The following PPFIBP1 variants were observed in gnomAD, a reference collection of about 807,000 sequenced individuals.
The protein encoded by PPFIBP1 is liprin-beta-1.
Under a neutral mutation model 137.8 loss-of-function variants are expected in PPFIBP1, and 112 were observed. The observed-to-expected ratio is 0.81, with a 90% CI of 0.70 to 0.95. PPFIBP1 has a LOEUF of 0.95. Ranked by LOEUF, PPFIBP1 falls within the 40% of genes least tolerant of loss-of-function variation. PPFIBP1 has a pLI of 0.00. For missense variants in PPFIBP1, 1,083 were observed against 1,196.6 expected (o/e 0.91, Z 1.40); for synonymous variants, 378 against 417.3 (o/e 0.91, Z 1.15).
intron 1 of PPFIBP1, among the ~76,000 whole-genome samples, chr12:27,545,916 A>C (rs1946194939): frequency 1.3e-5 from 2 of 152,328 alleles, no homozygotes; most frequent in South Asian, 4.1e-4. Flanking sequence ...CGGTAGTCGT[A>C]TAACTTGATC....
chr12:27,641,904 T>C (rs2058131704), intron 4 of PPFIBP1, among the ~76,000 whole-genome samples: 1 of 152,028 alleles, frequency 6.6e-6, no homozygotes, highest in Non-Finnish European at 1.5e-5. Context: ...CCTCCCGTTG[T>C]ATGGGAGCTC....
At chr12:27,600,452 T>A (rs1489850947) in intron 2 of PPFIBP1, among the ~76,000 whole-genome samples, 37 of 147,852 alleles carry the variant, frequency 2.5e-4, no homozygotes, top group African/African-American at 5.4e-4. Flanking sequence ...AAAAAAAAAA[T>A]AGTTAGAAGA....
rs967021216 is a variant in PPFIBP1, at chr12:27,658,948, G to A, written c.844+100G>A. 4.9e-6 allele frequency: 6 copies of A among 1,234,488 alleles called. No individual in the cohort carries two copies. In the Middle Eastern group the frequency reaches 5.8e-4, roughly 119 times the overall value. The allele number at this position is 1,234,488 out of a possible 1,614,324, so 76.5% of individuals were successfully genotyped here. A position where few individuals can be genotyped will look rare whatever the true frequency, so the allele number is the denominator to read the frequency against. Reference sequence around the variant, plus strand: ...TTAAAACATTTCTCTCACCAAAGATGTAAAGTTGCTTCATCAATAAGCCCT... The same window carrying A: ...TTAAAACATTTCTCTCACCAAAGATATAAAGTTGCTTCATCAATAAGCCCT... On this transcript the variant is annotated intron_variant, in intron 10 of 29. Transcript: ENST00000228425.
rs746813397 is a variant in PPFIBP1 at position 27,646,113 on chromosome 12, C to T, written c.322C>T (p.Arg108Cys). 50 of 1,611,942 alleles carry T rather than the reference C, an allele frequency of 3.1e-5. No homozygotes were observed. The highest frequency in any genetic ancestry group is 1.8e-4 in the East Asian group (8 of 44,794). ...NGDVYQERLA[R>C]LENDKESLVL... ...AGATGTGTATCAAGAAAGGCTGGCA[C>T]GTTTAGAAAATGATAAAGAATCCCT... is the stretch of plus-strand genomic sequence containing the variant. The change falls in exon 5 of 30, where the codon CGT (arginine) becomes TGT (cysteine). Residue 108 changes from arginine to cysteine, a missense_variant. Physicochemically the swap from Arg to Cys is radical, Grantham distance 180 (BLOSUM62 -3). Transcript: ENST00000228425.
intron 7 of PPFIBP1, among the ~76,000 whole-genome samples, chr12:27,652,373 A>G (rs2058927673): frequency 6.6e-6 from 1 of 152,222 alleles, no homozygotes; most frequent in Non-Finnish European, 1.5e-5. Flanking sequence ...AAGAGCATAC[A>G]TGTCAGAGAC....
chr12:27,535,813 A>G (rs981453265), intron 1 of PPFIBP1, among the ~76,000 whole-genome samples: 1 of 152,206 alleles, frequency 6.6e-6, no homozygotes, highest in African/African-American at 2.4e-5. Context: ...ACAAAACTAA[A>G]CTACTTTTAT....
intron 1 of PPFIBP1, among the ~76,000 whole-genome samples, chr12:27,567,665 C>G (rs904357722): frequency 2.0e-5 from 3 of 151,948 alleles, no homozygotes; most frequent in African/African-American, 7.3e-5. Context: ...GTTGGTACAT[C>G]TTTGACATTT....
At chr12:27,569,370 CAA>C (rs2049953372) in intron 1 of PPFIBP1, among the ~76,000 whole-genome samples, 1 of 152,142 alleles carries the variant, frequency 6.6e-6, no homozygotes, top group African/African-American at 2.4e-5. Context: ...TCATACAACA[CAA>C]ATAGTTGTAT....
chr12:27,583,342 T>A (rs1456361294), intron 2 of PPFIBP1, among the ~76,000 whole-genome samples: 1 of 152,228 alleles, frequency 6.6e-6, no homozygotes, highest in Non-Finnish European at 1.5e-5. Flanking sequence ...TAGCTTCCAA[T>A]ACATTGAAGT....
At chr12:27,642,419 T>A (rs1352637023) in intron 4 of PPFIBP1, among the ~76,000 whole-genome samples, 2 of 152,110 alleles carry the variant, frequency 1.3e-5, no homozygotes, top group South Asian at 2.1e-4. Context: ...TCAACAAGAG[T>A]TTATACTTAA....
At chr12:27,670,815 T>TAATAATAATA (rs1484216924) in intron 13 of PPFIBP1, among the ~76,000 whole-genome samples, 1 of 149,224 alleles carries the variant, frequency 6.7e-6, no homozygotes, top group Non-Finnish European at 1.5e-5. Context: ...ATAATAATAA[T>TAATAATAATA]AGAGTGTTGA....
chr12:27,630,571 C>T (rs1396959960), intron 2 of PPFIBP1, among the ~76,000 whole-genome samples: 1 of 152,108 alleles, frequency 6.6e-6, no homozygotes, highest in Non-Finnish European at 1.5e-5. Context: ...ATCTCTGGCT[C>T]TTATCAGCGT....
intron 1 of PPFIBP1, among the ~76,000 whole-genome samples, chr12:27,525,495 C>G (rs972253329): frequency 6.2e-5 from 8 of 128,266 alleles, no homozygotes; most frequent in Admixed American, 2.8e-4. Context: ...CTTTAAGGCT[C>G]TCTTTTGGAG....
chr12:27,581,790 T>C (rs1291300569), intron 2 of PPFIBP1, among the ~76,000 whole-genome samples: 2 of 152,206 alleles, frequency 1.3e-5, no homozygotes, highest in East Asian at 3.8e-4. Flanking sequence ...TGGTTCGTGA[T>C]AACTGGACAA....
intron 1 of PPFIBP1, chr12:27,547,000 T>C (rs1366874470): frequency 2.0e-5 from 3 of 152,204 alleles, no homozygotes; most frequent in African/African-American, 7.2e-5. Flanking sequence ...AGACCCTGCC[T>C]CAAAAAACAA....
In PPFIBP1 at chr12:27,682,607, T is replaced by C. The variant is rs770959591; in HGVS notation, c.2159-8T>C. ...GGCATGGTAGCAACACTGGCCTCTC[T>C]CTTTTAGGATGGTTGGATGACATTG... is the stretch of plus-strand genomic sequence containing the variant. On this transcript the variant is annotated splice_polypyrimidine_tract_variant and splice_region_variant and intron_variant, in intron 23 of 29. Transcript: ENST00000228425. 7 of 1,614,130 alleles carry C rather than the reference T, an allele frequency of 4.3e-6. No homozygotes were observed. The highest frequency in any genetic ancestry group is 5.9e-6 in the Non-Finnish European group (7 of 1,179,990).
intron 1 of PPFIBP1, among the ~76,000 whole-genome samples, chr12:27,533,971 T>C (rs368223237): frequency 5.9e-4 from 90 of 152,290 alleles, no homozygotes; most frequent in African/African-American, 1.8e-3. Context: ...GGTCCTGCTG[T>C]CAGGTCAGTT....
At chr12:27,570,257 C>T (rs985977317) in intron 1 of PPFIBP1, among the ~76,000 whole-genome samples, 1 of 152,068 alleles carries the variant, frequency 6.6e-6, no homozygotes, top group African/African-American at 2.4e-5. Context: ...ATATAGTAAT[C>T]ATTCCTTTAT....
chr12:27,544,056 T>G (rs1390457720), intron 1 of PPFIBP1, among the ~76,000 whole-genome samples: 1 of 150,296 alleles, frequency 6.7e-6, no homozygotes, highest in Non-Finnish European at 1.5e-5. Flanking sequence ...ATTTTTTGAT[T>G]TTTTAATTAG....
Sources: gnomAD v4.1 joint callset for allele counts (sites outside exome capture counted in the v4.1 genomes callset) on GRCh38, gnomAD v4.1.1 for gene constraint, MANE v1.5 for transcripts, NCBI Gene and HGNC (gene_info 2026-07-23, HGNC 2026-07-21) for gene names.